Variants in PPP6R1 observed in about 807,000 individuals in gnomAD.
PPP6R1 encodes the protein serine/threonine-protein phosphatase 6 regulatory subunit 1.
In PPP6R1, 39 loss-of-function variants were observed where a neutral mutation model predicts 104.6. The ratio of observed to expected loss-of-function variants is 0.37; its 90% CI spans 0.29 to 0.49. The LOEUF (loss-of-function observed/expected upper bound fraction) is 0.49. Ranked by LOEUF, PPP6R1 falls within the 20% of genes least tolerant of loss-of-function variation. PPP6R1 has a pLI of 0.98. For synonymous variants in PPP6R1, 549 were observed against 479.0 expected, an observed-to-expected ratio of 1.15 and a Z score of -1.91; for missense variants, 1,181 against 1,155.8, an observed-to-expected ratio of 1.02 and a Z score of -0.32.
intron 1 of PPP6R1, among the ~76,000 whole-genome samples, chr19:55,249,749 G>A (rs1037742432): frequency 2.4e-4 from 37 of 152,126 alleles, no homozygotes; most frequent in African/African-American, 7.2e-5. Context: ...GCTGAGGCAG[G>A]AGAACTGCCT....
chr19:55,234,480 T>C (rs2087377159), intron 17 of PPP6R1, among the ~76,000 whole-genome samples: 2 of 152,184 alleles, frequency 1.3e-5, no homozygotes, highest in Admixed American at 6.5e-5. Context: ...GGGATGAAGG[T>C]GGACCACCTC....
At position 55,249,173 on chromosome 19, in the gene PPP6R1, T is replaced by C. The variant is rs942967493; in HGVS notation, c.-6-2064A>G. ...CCAGGCATTTGAACCCCTGCTCCTCTGGGGGGCCTGCCAGGTCCCAGTCCA... is the reference window on the plus strand; with the variant it reads ...CCAGGCATTTGAACCCCTGCTCCTCCGGGGGGCCTGCCAGGTCCCAGTCCA... On this transcript the variant is annotated intron_variant, in intron 1 of 23. Coordinates refer to ENST00000412770, the MANE Select transcript of PPP6R1 (RefSeq NM_014931.4). Among the ~76,000 whole-genome samples the C allele has an allele frequency of 2.6e-5, 4 of 152,244 alleles. No homozygotes were observed. In the South Asian group the frequency reaches 8.3e-4, roughly 32 times the overall value.
intron 1 of PPP6R1, among the ~76,000 whole-genome samples, chr19:55,254,638 A>C (rs1426344301): frequency 1.3e-5 from 2 of 152,202 alleles, no homozygotes; most frequent in Admixed American, 1.3e-4. Flanking sequence ...CAGATGCCTC[A>C]GGGGGCCTCC....
At chr19:55,228,327 G>A, downstream of PPP6R1, 6 of 1,613,898 alleles carry the variant, frequency 3.7e-6, no homozygotes, top group African/African-American at 1.3e-5. Flanking sequence ...GGACGGGCAG[G>A]CACTTGACCA....
chr19:55,250,776 C>T (rs1342387564), intron 1 of PPP6R1, among the ~76,000 whole-genome samples: 1 of 152,142 alleles, frequency 6.6e-6, no homozygotes, highest in Non-Finnish European at 1.5e-5. Flanking sequence ...CTGACCTCCC[C>T]AAACATAACC....
Position 55,240,319 on chromosome 19 carries a change from G to A in PPP6R1, c.1297-19C>T. 1 of 1,576,960 alleles carries A rather than the reference G, an allele frequency of 6.3e-7. No homozygotes were observed. On this transcript the variant is annotated intron_variant, in intron 10 of 23. Transcript: ENST00000412770. ...GCAGCAGCTGCGGGAGAGCGGGACA[G>A]GATGGCCTGGAGGGGTGGTCTGCAC...
chr19:55,252,266 G>A (rs2087559279), intron 1 of PPP6R1, among the ~76,000 whole-genome samples: 1 of 152,046 alleles, frequency 6.6e-6, no homozygotes, highest in Non-Finnish European at 1.5e-5. Flanking sequence ...GTCTCTCTCT[G>A]TCACCCAGCC....
chr19:55,236,851 C>T, intron 16 of PPP6R1, 30 bp from the exon 17 acceptor site: 1 of 1,613,646 alleles, frequency 6.2e-7, no homozygotes. Flanking sequence ...GAGGATGGGC[C>T]ACACTGCCCA....
At chr19:55,237,090 A>T in intron 15 of PPP6R1, 120 bp from the exon 16 acceptor site, 3 of 1,095,818 alleles carry the variant, frequency 2.7e-6, no homozygotes, top group Non-Finnish European at 4.1e-6. Context: ...CAGATTTGGT[A>T]TCTGCAAATT....
intron 10 of PPP6R1, among the ~76,000 whole-genome samples, chr19:55,240,514 TACACACACACACACACAC>T (rs777717878): frequency 4.6e-4 from 62 of 136,018 alleles, no homozygotes; most frequent in African/African-American, 1.3e-3. Flanking sequence ...ATGTGGTGCA[TACACACACACACACACAC>T]ACACACACAC....
At chr19:55,252,343 C>T (rs2087559954) in intron 1 of PPP6R1, among the ~76,000 whole-genome samples, 1 of 151,514 alleles carries the variant, frequency 6.6e-6, no homozygotes, top group Non-Finnish European at 1.5e-5. Context: ...ATATCTCCTG[C>T]CTCAGCCTCC....
intron 10 of PPP6R1, 101 bp downstream of exon 10, chr19:55,240,844 C>T: frequency 3.4e-6 from 5 of 1,466,964 alleles, no homozygotes; most frequent in Non-Finnish European, 4.6e-6. Flanking sequence ...CACTACCCAA[C>T]AAACACTTGT....
At position 55,245,079 on chromosome 19, in the gene PPP6R1, G is replaced by A. The variant is rs368391066; in HGVS notation, c.618+41C>T. The A allele has an allele frequency of 3.6e-5, 58 of 1,605,680 alleles. No individual in the cohort carries two copies. The Middle Eastern group carries it at 1.0e-3, about 28-fold the overall frequency. On this transcript the variant is annotated intron_variant, in intron 5 of 23. Coordinates refer to ENST00000412770, the MANE Select transcript of PPP6R1 (RefSeq NM_014931.4). This position sits in a 1 kb window ranked among gnomAD's most constrained non-coding sequence, Gnocchi z 6.4. ...AAGTGGGGAAGTGGGCATGGGGAAGGAACTCTAAGGGGAATCCGCAGGGGC... is the reference window on the plus strand; with the variant it reads ...AAGTGGGGAAGTGGGCATGGGGAAGAAACTCTAAGGGGAATCCGCAGGGGC...
In PPP6R1 at chr19:55,242,287, G is replaced by A; in HGVS notation, c.732-8C>T. On this transcript the variant is annotated splice_region_variant and splice_polypyrimidine_tract_variant and intron_variant, in intron 6 of 23. Transcript: ENST00000412770. ...TGCTCAATCGTCTCCTGCCTGCGGGGGCAGGGGCAGGGGTCAGGGTGAGGG... is the reference window on the plus strand; with the variant it reads ...TGCTCAATCGTCTCCTGCCTGCGGGAGCAGGGGCAGGGGTCAGGGTGAGGG... 3 of 1,613,592 alleles carry A rather than the reference G, an allele frequency of 1.9e-6. No individual in the cohort carries two copies. Among genetic ancestry groups the A allele is most frequent in the Non-Finnish European group, 1.7e-6 (2 of 1,179,550 alleles).
chr19:55,228,224 C>T (rs1414505945), downstream of PPP6R1: 7 of 1,611,586 alleles, frequency 4.3e-6, no homozygotes, highest in African/African-American at 2.7e-5. Flanking sequence ...ATGAGGCAAG[C>T]GTCCCCCACA....
In PPP6R1 at chr19:55,245,758, G is replaced by A; in HGVS notation, c.228-80C>T. 2 of 1,189,216 alleles carry A rather than the reference G, an allele frequency of 1.7e-6. No homozygotes were observed. The highest frequency in any genetic ancestry group is 2.4e-6 in the Non-Finnish European group (2 of 843,346). The allele number at this position is 1,189,216 out of a possible 1,614,324, so 73.7% of individuals were successfully genotyped here. On this transcript the variant is annotated intron_variant, in intron 2 of 23. Coordinates refer to ENST00000412770, the MANE Select transcript of PPP6R1 (RefSeq NM_014931.4). This position sits in a 1 kb window ranked among gnomAD's most constrained non-coding sequence, Gnocchi z 6.4. ...GCGGCAAGGCTCCACCCTCTTCTCT[G>A]CACCGGGCACTGGGTTTCTGGGAAC...
chr19:55,240,904 G>C, intron 10 of PPP6R1, 41 bp downstream of exon 10: 1 of 1,593,346 alleles, frequency 6.3e-7, no homozygotes, highest in Non-Finnish European at 8.5e-7. Flanking sequence ...GCCCACAGGG[G>C]ATGGGCCCAG....
At chr19:55,239,750 G>T in intron 13 of PPP6R1, 67 bp from the exon 14 acceptor site, 1 of 1,587,510 alleles carries the variant, frequency 6.3e-7, no homozygotes, top group Non-Finnish European at 8.6e-7. Flanking sequence ...GCAGCTATCG[G>T]TGGCGGTGGG....
chr19:55,231,947 T>TA lies in PPP6R1; in HGVS notation c.2160dup (p.Thr721TyrfsTer44). 1 of 1,588,332 alleles carries TA rather than the reference T, an allele frequency of 6.3e-7. No individual in the cohort carries two copies. Among genetic ancestry groups the TA allele is most frequent in the Non-Finnish European group, 8.6e-7 (1 of 1,163,892 alleles). The stretch of plus-strand genomic sequence containing the variant: ...ACTCGGGGGCTGGTCGGGGCATCTG[T>TA]AGGCACTGGGTCAAAGGTGGCTGTC... On this transcript the variant is annotated frameshift_variant, in exon 19 of 24. Coordinates refer to ENST00000412770, the MANE Select transcript of PPP6R1 (RefSeq NM_014931.4). LOFTEE classifies it high-confidence loss of function.
Sources: gnomAD v4.1 joint callset for allele counts (sites outside exome capture counted in the v4.1 genomes callset) on GRCh38, gnomAD v4.1.1 for gene constraint, Gnocchi (gnomAD v3.1) non-coding constraint, MANE v1.5 for transcripts, NCBI Gene and HGNC (gene_info 2026-07-23, HGNC 2026-07-21) for gene names.